FLI1: variants seen among roughly 807,000 people sequenced by gnomAD.
The protein encoded by FLI1 is Friend leukemia integration 1 transcription factor.
A neutral mutation model predicts 53.1 loss-of-function variants in FLI1; 13 were observed. The ratio of observed to expected loss-of-function variants is 0.24; its 90% CI spans 0.16 to 0.39. The LOEUF (loss-of-function observed/expected upper bound fraction) is 0.39, where lower values mean the gene tolerates loss of function less well. Among genes scored for constraint, FLI1 ranks in the 10% least tolerant of loss-of-function variants. The pLI is 1.00. For missense variants in FLI1, 424 were observed against 600.5 expected (o/e 0.71, Z 3.07); for synonymous variants, 244 against 236.7 (o/e 1.03, Z -0.28).
At chr11:128,731,623 G>T (rs1029221190) in intron 1 of FLI1, among the ~76,000 whole-genome samples, 2 of 152,180 alleles carry the variant, frequency 1.3e-5, no homozygotes, top group Non-Finnish European at 2.9e-5. Context: ...AAAACCCAAA[G>T]TTCATAGCCA....
intron 1 of FLI1, among the ~76,000 whole-genome samples, chr11:128,751,774 C>T (rs1349985370): frequency 6.6e-6 from 1 of 151,590 alleles, no homozygotes; most frequent in Non-Finnish European, 1.5e-5. Context: ...GTGATCCACC[C>T]ACCTCAGCCT....
chr11:128,729,259 A>T (rs1939602015), intron 1 of FLI1, among the ~76,000 whole-genome samples: 1 of 152,332 alleles, frequency 6.6e-6, no homozygotes, highest in Admixed American at 6.5e-5. Context: ...TATTATATTT[A>T]TCAACCATGT....
chr11:128,780,515 A>C (rs990392226), intron 4 of FLI1, among the ~76,000 whole-genome samples: 1 of 152,224 alleles, frequency 6.6e-6, no homozygotes, highest in African/African-American at 2.4e-5. Flanking sequence ...GAATCACTTG[A>C]ATCTGCGAGG....
At chr11:128,748,464 T>C (rs1940502163) in intron 1 of FLI1, among the ~76,000 whole-genome samples, 1 of 151,952 alleles carries the variant, frequency 6.6e-6, no homozygotes, top group South Asian at 2.1e-4. Flanking sequence ...ACCAACATGG[T>C]GAAACCCTGT....
chr11:128,809,454 G>A (rs1390437554), intron 8 of FLI1, among the ~76,000 whole-genome samples: 1 of 152,226 alleles, frequency 6.6e-6, no homozygotes, highest in Non-Finnish European at 1.5e-5. Flanking sequence ...GCACTTAGGT[G>A]TAGATGAGTA....
intron 1 of FLI1, among the ~76,000 whole-genome samples, chr11:128,697,986 G>A (rs751936823): frequency 6.6e-6 from 1 of 151,982 alleles, no homozygotes; most frequent in African/African-American, 2.4e-5. Context: ...GAGGAGAAGC[G>A]TGTCTAACAA....
chr11:128,764,649 A>T (rs967135160), intron 2 of FLI1: 3 of 1,530,886 alleles, frequency 2.0e-6, no homozygotes, highest in Non-Finnish European at 1.7e-6. Context: ...CCTTCTTCAC[A>T]GGCGCCAGCT....
At chr11:128,726,425 C>T (rs1939482587) in intron 1 of FLI1, among the ~76,000 whole-genome samples, 1 of 152,178 alleles carries the variant, frequency 6.6e-6, no homozygotes, top group Admixed American at 6.5e-5. Flanking sequence ...TCCTGCCTGG[C>T]CCCAAGGCTG....
chr11:128,686,339 CG>C (rs1196363169), upstream of FLI1: 1 of 456,226 alleles, frequency 2.2e-6, no homozygotes. Flanking sequence ...CTGGGGGAGG[CG>C]GCAGTCTGAT....
chr11:128,757,044 T>TTCTCTTTCTTTCTTTC (rs1940894821), intron 1 of FLI1, among the ~76,000 whole-genome samples: 1 of 107,028 alleles, frequency 9.3e-6, no homozygotes. Context: ...CTAGCTAATT[T>TTCTCTTTCTTTCTTTC]TTTCTTTCTT....
intron 5 of FLI1, among the ~76,000 whole-genome samples, chr11:128,802,686 A>C (rs687326): frequency 0.41 from 62,961 of 152,090 alleles, 13,054 homozygotes; most frequent in Non-Finnish European, 0.44. Context: ...GGGCACATTG[A>C]CCCATAAAAC....
intron 1 of FLI1, among the ~76,000 whole-genome samples, chr11:128,705,676 T>C (rs1294685740): frequency 6.6e-6 from 1 of 152,208 alleles, no homozygotes; most frequent in East Asian, 1.9e-4. Flanking sequence ...CAAGGCTGAT[T>C]GACTTATAAC....
intron 5 of FLI1, among the ~76,000 whole-genome samples, chr11:128,783,115 T>C (rs745743701): frequency 1.3e-5 from 2 of 152,200 alleles, no homozygotes; most frequent in Non-Finnish European, 2.9e-5. Context: ...CCAGTTTTTC[T>C]TTAACTCACC....
intron 1 of FLI1, among the ~76,000 whole-genome samples, chr11:128,742,865 C>T (rs759666452): frequency 6.6e-6 from 1 of 152,194 alleles, no homozygotes; most frequent in Non-Finnish European, 1.5e-5. Flanking sequence ...ACAGGCCATT[C>T]AGGCTGATGT....
chr11:128,773,909 C>A (rs756314325), intron 4 of FLI1, among the ~76,000 whole-genome samples: 1 of 152,006 alleles, frequency 6.6e-6, no homozygotes, highest in Non-Finnish European at 1.5e-5. Flanking sequence ...AAAGACAGGG[C>A]AGCCTTGAGA....
intron 1 of FLI1, among the ~76,000 whole-genome samples, chr11:128,744,828 A>T (rs910657078): frequency 2.0e-5 from 3 of 152,226 alleles, no homozygotes; most frequent in Non-Finnish European, 2.9e-5. Flanking sequence ...TAGAACATAA[A>T]CTATGAAAAA....
At chr11:128,723,016 TG>T (rs1274370995) in intron 1 of FLI1, among the ~76,000 whole-genome samples, 1 of 152,202 alleles carries the variant, frequency 6.6e-6, no homozygotes, top group Admixed American at 6.5e-5. Context: ...TAGTGAGGGC[TG>T]TCTTCCTCAC....
intron 1 of FLI1, among the ~76,000 whole-genome samples, chr11:128,702,865 G>GAA (rs10677310): frequency 0.47 from 62,841 of 134,438 alleles, 13,935 homozygotes; most frequent in African/African-American, 0.52. Flanking sequence ...CTGTCTCAAA[G>GAA]AAAAAAAAAA....
intron 1 of FLI1, among the ~76,000 whole-genome samples, chr11:128,756,544 G>A (rs189418261): frequency 2.1e-4 from 32 of 152,316 alleles, no homozygotes; most frequent in African/African-American, 7.7e-4. Flanking sequence ...CCCCTAACAG[G>A]TGGCCTAAGA....
Sources: gnomAD v4.1 joint callset for allele counts (sites outside exome capture counted in the v4.1 genomes callset) on GRCh38, gnomAD v4.1.1 for gene constraint, MANE v1.5 for transcripts, NCBI Gene and HGNC (gene_info 2026-07-23, HGNC 2026-07-21) for gene names.